Variants in PREX2 observed in about 807,000 individuals in gnomAD.
PREX2 encodes phosphatidylinositol-3,4,5-trisphosphate dependent Rac exchange factor 2.
A neutral mutation model predicts 203.2 loss-of-function variants in PREX2; 107 were observed. The observed-to-expected ratio is 0.53, with a 90% confidence interval of 0.45 to 0.62. The LOEUF (loss-of-function observed/expected upper bound fraction) is 0.62, where lower values mean the gene tolerates loss of function less well. PREX2 is among the 20% of genes least tolerant of loss of function. The pLI is 0.00. For missense variants in PREX2, 1,777 were observed against 1,955.9 expected (o/e 0.91, Z 1.72); for synonymous variants, 672 against 663.6 (o/e 1.01, Z -0.19).
rs765957874 is a variant in PREX2 at position 68,157,424 on chromosome 8, A to G, written c.4334A>G (p.Asn1445Ser). 3 of 1,599,894 alleles carry G rather than the reference A, an allele frequency of 1.9e-6. No individual in the cohort carries two copies. The highest frequency in any genetic ancestry group is 1.3e-5 in the African/African-American group (1 of 74,598). Residue 1445 changes from asparagine (N) to serine (S), a missense_variant, in exon 35 of 40, where the codon AAC (asparagine) becomes AGC (serine). Physicochemically the swap from Asn to Ser is conservative, Grantham distance 46. Transcript: ENST00000288368. ...AASLEKVKQYNQKLRAFYLDK... is the reference protein window; with the variant it reads ...AASLEKVKQYSQKLRAFYLDK... Reference sequence around the variant, plus strand: ...TCACTGGAAAAGGTCAAACAGTACAACCAGAAGCTCAGGTATGTAACAATC... The same window carrying G: ...TCACTGGAAAAGGTCAAACAGTACAGCCAGAAGCTCAGGTATGTAACAATC...
chr8:67,967,974 AATG>A (rs1396027401), intron 1 of PREX2, among the ~76,000 whole-genome samples: 2 of 151,976 alleles, frequency 1.3e-5, no homozygotes, highest in Non-Finnish European at 2.9e-5. Context: ...ACCTAATGTA[AATG>A]ACGAGTTAAT....
At chr8:68,081,707 C>T (rs1187460391) in intron 17 of PREX2, among the ~76,000 whole-genome samples, 1 of 152,020 alleles carries the variant, frequency 6.6e-6, no homozygotes, top group Non-Finnish European at 1.5e-5. Flanking sequence ...CTTCATCAGC[C>T]TTTTTGAGAC....
At chr8:68,013,219 A>G (rs1431462526) in intron 1 of PREX2, among the ~76,000 whole-genome samples, 2 of 152,222 alleles carry the variant, frequency 1.3e-5, no homozygotes, top group African/African-American at 4.8e-5. Context: ...AAACAAATAG[A>G]TAAAATGATT....
At chr8:68,005,148 G>A (rs1250851750) in intron 1 of PREX2, among the ~76,000 whole-genome samples, 2 of 152,096 alleles carry the variant, frequency 1.3e-5, no homozygotes, top group African/African-American at 2.4e-5. Context: ...CTCCCATACC[G>A]GTAAATGCAC....
intron 15 of PREX2, 76 bp downstream of exon 15, chr8:68,077,545 C>T: frequency 2.7e-5 from 28 of 1,052,396 alleles, no homozygotes; most frequent in Non-Finnish European, 3.7e-5. Context: ...ACACCCAGTG[C>T]TGCAGTGAGG....
At chr8:68,103,891 C>G (rs1452009564) in intron 23 of PREX2, among the ~76,000 whole-genome samples, 1 of 152,108 alleles carries the variant, frequency 6.6e-6, no homozygotes, top group Admixed American at 6.6e-5. Context: ...CTCCTTTTCT[C>G]TCTCCATTTT....
intron 34 of PREX2, among the ~76,000 whole-genome samples, chr8:68,148,833 T>C (rs1811377246): frequency 6.6e-6 from 1 of 152,180 alleles, no homozygotes; most frequent in Admixed American, 6.5e-5. Flanking sequence ...AAGTTGTTTA[T>C]TTAACGGGGG....
rs751766086 is a variant in PREX2 at position 68,108,347 on chromosome 8, C to T, written c.2938+16C>T. 4 of 1,585,466 alleles carry T rather than the reference C, an allele frequency of 2.5e-6. No homozygotes were observed. Among genetic ancestry groups the T allele is most frequent in the Non-Finnish European group, 2.6e-6 (3 of 1,157,376 alleles). On this transcript the variant is annotated intron_variant, in intron 24 of 39. Transcript: ENST00000288368. ...TCGGAGCAAGGTATGCTAGCTTTTG[C>T]AACTTTATCAAATCATGAAAAGCAA...
chr8:68,171,423 T>A (rs1001477908), intron 35 of PREX2, among the ~76,000 whole-genome samples: 2 of 152,158 alleles, frequency 1.3e-5, no homozygotes, highest in Non-Finnish European at 2.9e-5. Context: ...AAGTGTGTTT[T>A]CACTGTTCGT....
intron 1 of PREX2, among the ~76,000 whole-genome samples, chr8:67,975,324 C>T (rs1806047959): frequency 8.0e-6 from 1 of 125,734 alleles, no homozygotes; most frequent in Non-Finnish European, 1.6e-5. Flanking sequence ...TGTGTGTGTC[C>T]TATTCATTGT....
chr8:68,133,679 T>C (rs1811052715), intron 31 of PREX2, among the ~76,000 whole-genome samples: 1 of 152,196 alleles, frequency 6.6e-6, no homozygotes, highest in African/African-American at 2.4e-5. Context: ...AACTGACGAA[T>C]TGGACTTTGA....
At chr8:68,014,330 A>G (rs1180234547) in intron 1 of PREX2, among the ~76,000 whole-genome samples, 3 of 152,202 alleles carry the variant, frequency 2.0e-5, no homozygotes, top group Non-Finnish European at 4.4e-5. Context: ...GTACTCTGGG[A>G]AAAAGCCCAT....
At chr8:68,117,202 T>C (rs967696222) in intron 26 of PREX2, among the ~76,000 whole-genome samples, 1 of 152,194 alleles carries the variant, frequency 6.6e-6, no homozygotes, top group African/African-American at 2.4e-5. Flanking sequence ...AGGAAGATTT[T>C]ACATAATCCT....
At chr8:68,139,910 A>T (rs1178575379) in intron 33 of PREX2, among the ~76,000 whole-genome samples, 1 of 152,178 alleles carries the variant, frequency 6.6e-6, no homozygotes, top group East Asian at 1.9e-4. Flanking sequence ...AGAATAGGAT[A>T]TATTTTCATT....
chr8:67,997,265 T>TC (rs1444565043), intron 1 of PREX2, among the ~76,000 whole-genome samples: 3 of 151,920 alleles, frequency 2.0e-5, no homozygotes, highest in Admixed American at 6.6e-5. Context: ...TCTACAATAG[T>TC]CCCCCCTTAA....
chr8:68,045,119 C>T (rs1463397560), intron 8 of PREX2, among the ~76,000 whole-genome samples: 2 of 151,750 alleles, frequency 1.3e-5, no homozygotes. Context: ...AAGGTAGTAA[C>T]TTTTTGCTTC....
chr8:68,151,673 A>G (rs773110564), intron 34 of PREX2, among the ~76,000 whole-genome samples: 13 of 151,732 alleles, frequency 8.6e-5, no homozygotes, highest in African/African-American at 1.7e-4. Flanking sequence ...TTAAATACCT[A>G]TTTCCTGGGT....
chr8:68,060,867 C>T (rs965997820), intron 11 of PREX2, 88 bp downstream of exon 11: 1 of 847,156 alleles, frequency 1.2e-6, no homozygotes, highest in Non-Finnish European at 1.9e-6. Flanking sequence ...TTACAATTCC[C>T]CACATTATAG....
intron 8 of PREX2, among the ~76,000 whole-genome samples, chr8:68,048,698 A>T (rs1808436528): frequency 6.6e-6 from 1 of 152,220 alleles, no homozygotes. Context: ...AAGACTATAT[A>T]AAAACTATTT....
Sources: gnomAD v4.1 joint callset for allele counts (sites outside exome capture counted in the v4.1 genomes callset) on GRCh38, gnomAD v4.1.1 for gene constraint, MANE v1.5 for transcripts, NCBI Gene and HGNC (gene_info 2026-07-23, HGNC 2026-07-21) for gene names.